Variants in SLC4A1 observed in about 807,000 individuals in gnomAD.
SLC4A1 encodes solute carrier family 4 member 1 (Diego blood group).
A neutral mutation model predicts 93.1 loss-of-function variants in SLC4A1; 29 were observed. The ratio of observed to expected loss-of-function variants is 0.31; its 90% CI spans 0.23 to 0.42. SLC4A1 has a LOEUF of 0.42. SLC4A1 is among the 20% of genes least tolerant of loss of function. SLC4A1 has a pLI of 1.00. For synonymous variants in SLC4A1, 469 were observed against 497.2 expected (o/e 0.94, Z 0.76); for missense variants, 965 against 1,190.1 (o/e 0.81, Z 2.78).
chr17:44,254,298 A>T (rs1192151014), intron 16 of SLC4A1, among the ~76,000 whole-genome samples, 198 bp downstream of exon 16: 1 of 151,592 alleles, frequency 6.6e-6, no homozygotes, highest in African/African-American at 2.4e-5. Context: ...TCTTAAAAAG[A>T]GCTCTCCAAA....
intron 1 of SLC4A1, 47 bp from the exon 2 acceptor site, chr17:44,262,981 T>A: frequency 1.3e-6 from 2 of 1,531,046 alleles, no homozygotes; most frequent in Non-Finnish European, 1.8e-6. Context: ...CATCCCAGGG[T>A]CTCCTGGTCC....
chr17:44,266,840 G>A (rs753349961), intron 1 of SLC4A1, among the ~76,000 whole-genome samples: 5 of 152,138 alleles, frequency 3.3e-5, no homozygotes, highest in South Asian at 2.1e-4. Flanking sequence ...GAGCCTAGAA[G>A]GTATAGCACA....
At chr17:44,266,115 G>A (rs546106008) in intron 1 of SLC4A1, among the ~76,000 whole-genome samples, 1 of 152,276 alleles carries the variant, frequency 6.6e-6, no homozygotes, top group African/African-American at 2.4e-5. Context: ...CCCCTGCCTT[G>A]GCAGGTGGGG....
chr17:44,254,485 C>T lies in SLC4A1; in HGVS notation c.2057+11G>A. On this transcript the variant is annotated intron_variant, in intron 16 of 19. Transcript: ENST00000262418. ...CACCCTCCCAGGCCCAGCCCCCACC[C>T]TGTCTCTCACGTGGTGATCTGAGAC... 1.2e-6 allele frequency: 2 copies of T among 1,607,794 alleles called. No individual in the cohort carries two copies. The highest frequency in any genetic ancestry group is 1.7e-6 in the Non-Finnish European group (2 of 1,174,968).
At position 44,261,597 on chromosome 17, in the gene SLC4A1, G is replaced by A; in HGVS notation, c.146C>T (p.Thr49Ile). Residue 49 changes from threonine (T) to isoleucine (I), a missense_variant, in exon 4 of 20, where the codon ACA (threonine) becomes ATA (isoleucine). Around this residue, in one of 2 missense-constraint regions of SLC4A1, gnomAD observed 195 missense variants for 183.5 expected, o/e 1.06. Coordinates refer to ENST00000262418, the MANE Select transcript of SLC4A1 (RefSeq NM_000342.4). ...TEATATDYHT[T>I]SHPGTHKVYV... is the part of the protein sequence containing the mutation. ...CACCTTGTGGGTACCCGGGTGTGAT[G>A]TGGTGTGGTAGTCTGTGGCTGTTGC... 6.2e-7 allele frequency: 1 copy of A among 1,614,194 alleles called. No homozygotes were observed. Among genetic ancestry groups the A allele is most frequent in the Non-Finnish European group, 8.5e-7 (1 of 1,180,006 alleles).
Position 44,258,608 on chromosome 17 carries a change from C to T in SLC4A1, c.892G>A (p.Ala298Thr). 2 of 1,602,756 alleles carry T rather than the reference C, an allele frequency of 1.2e-6. No homozygotes were observed. Among genetic ancestry groups the T allele is most frequent in the Middle Eastern group, 3.9e-4 (2 of 5,170 alleles). Residue 298 changes from alanine to threonine, a missense_variant, in exon 10 of 20, where the codon GCC (alanine) becomes ACC (threonine). Ala to Thr is a moderately conservative substitution (Grantham distance 58). This residue lies in a region of SLC4A1 where 770 missense variants were observed against 1,006.6 expected (regional missense o/e 0.76). Transcript: ENST00000262418. The surrounding 1 kb of genome is among the most constrained non-coding windows in gnomAD (Gnocchi z 6.1). ...TCCCCTCGGCTCTGAGCCATGTAGG[C>T]ATCTATGCGGAACACCTAGGGGCAG... The part of the protein sequence containing the change: ...LMSERVFRID[A>T]YMAQSRGELL...
chr17:44,258,631 C>T lies in SLC4A1; in HGVS notation c.877-8G>A, dbSNP rs1215595192. ...GGCATCTATGCGGAACACCTAGGGG[C>T]AGGAGACAGGGTCAGAGCTGCCCGG... On this transcript the variant is annotated splice_region_variant and splice_polypyrimidine_tract_variant and intron_variant, in intron 9 of 19. Transcript: ENST00000262418. This position sits in a 1 kb window ranked among gnomAD's most constrained non-coding sequence, Gnocchi z 6.1. The T allele has an allele frequency of 2.5e-6, 4 of 1,578,958 alleles. No individual in the cohort carries two copies. The highest frequency in any genetic ancestry group is 2.4e-5 in the East Asian group (1 of 42,426).
chr17:44,259,092 T>C, intron 9 of SLC4A1, 71 bp downstream of exon 9: 1 of 1,499,908 alleles, frequency 6.7e-7, no homozygotes, highest in Non-Finnish European at 9.2e-7. Context: ...CAGGCCAGGT[T>C]GGAGAGCAGG....
At chr17:44,261,330 G>A (rs1373157777) in intron 4 of SLC4A1, among the ~76,000 whole-genome samples, 1 of 152,190 alleles carries the variant, frequency 6.6e-6, no homozygotes. Flanking sequence ...CAGGGCCTGA[G>A]GGCCTGGGGA....
At chr17:44,260,988 C>T (rs2047439439) in intron 4 of SLC4A1, among the ~76,000 whole-genome samples, 173 bp from the exon 5 acceptor site, 1 of 152,134 alleles carries the variant, frequency 6.6e-6, no homozygotes, top group South Asian at 2.1e-4. Flanking sequence ...CAGGCCTTTA[C>T]CCCATTGCAG....
chr17:44,265,818 T>C (rs2047491197), intron 1 of SLC4A1, among the ~76,000 whole-genome samples: 1 of 151,844 alleles, frequency 6.6e-6, no homozygotes, highest in Admixed American at 6.6e-5. Flanking sequence ...CCATCTCTAC[T>C]GAAAATACAA....
chr17:44,262,290 A>G (rs1327441103), intron 3 of SLC4A1, among the ~76,000 whole-genome samples: 1 of 152,110 alleles, frequency 6.6e-6, no homozygotes, highest in Non-Finnish European at 1.5e-5. Context: ...CAAGCCCCTC[A>G]TTTCTCAGGA....
chr17:44,256,624 C>G (rs375869155), intron 13 of SLC4A1, among the ~76,000 whole-genome samples: 1 of 152,228 alleles, frequency 6.6e-6, no homozygotes, highest in Non-Finnish European at 1.5e-5. Context: ...TGGGGGACTT[C>G]AGAGGCTCCA....
chr17:44,251,087 C>T, intron 19 of SLC4A1, 72 bp downstream of exon 19: 20 of 1,497,656 alleles, frequency 1.3e-5, no homozygotes, highest in Non-Finnish European at 1.8e-5. Flanking sequence ...CTCTGTCCTG[C>T]CTGCCCTAGT....
Position 44,259,353 on chromosome 17 carries a change from G to T in SLC4A1, c.695-9C>A. ...CAGGAAGTCGGCGCGGCCTGTTAGG[G>T]GATGAGAAGATCAGGCCAGGCCGAG... On this transcript the variant is annotated splice_polypyrimidine_tract_variant and intron_variant, in intron 8 of 19. Coordinates refer to ENST00000262418, the MANE Select transcript of SLC4A1 (RefSeq NM_000342.4). The T allele has an allele frequency of 6.2e-7, 1 of 1,613,304 alleles. No individual in the cohort carries two copies. The highest frequency in any genetic ancestry group is 1.1e-5 in the South Asian group (1 of 90,964).
chr17:44,259,869 A>G lies in SLC4A1; in HGVS notation c.549T>C (p.Asp183=). ...GTTGGGGGAGCAGAGGCTGTGAAGGATCCCCAGAGCGTGTCAGGACTGCAG... is the reference window on the plus strand; with the variant it reads ...GTTGGGGGAGCAGAGGCTGTGAAGGGTCCCCAGAGCGTGTCAGGACTGCAG... The part of the protein sequence containing the change: ...VKPAVLTRSG[D]PSQPLLPQHS... Residue 183 remains aspartate, a synonymous_variant, in exon 7 of 20, where the codon GAT becomes GAC. Coordinates refer to ENST00000262418, the MANE Select transcript of SLC4A1 (RefSeq NM_000342.4). 1 of 1,613,998 alleles carries G rather than the reference A, an allele frequency of 6.2e-7. No individual in the cohort carries two copies. Among genetic ancestry groups the G allele is most frequent in the Non-Finnish European group, 8.5e-7 (1 of 1,179,974 alleles).
At chr17:44,264,429 GCC>G (rs2047478198) in intron 1 of SLC4A1, among the ~76,000 whole-genome samples, 1 of 152,190 alleles carries the variant, frequency 6.6e-6, no homozygotes, top group African/African-American at 2.4e-5. Flanking sequence ...CTGCACTCCA[GCC>G]TGGGTGACAG....
chr17:44,254,438 C>G (rs1023647676), intron 16 of SLC4A1, 58 bp downstream of exon 16: 31 of 1,539,784 alleles, frequency 2.0e-5, no homozygotes, highest in South Asian at 1.1e-5. Context: ...TGGGAGAATG[C>G]CAGGGAAAGG....
At chr17:44,260,007 C>A in intron 6 of SLC4A1, 75 bp from the exon 7 acceptor site, 1 of 1,585,758 alleles carries the variant, frequency 6.3e-7, no homozygotes. Flanking sequence ...GGATCAAGGG[C>A]GAACATCAAG....
Sources: gnomAD v4.1 joint callset for allele counts (sites outside exome capture counted in the v4.1 genomes callset) on GRCh38, gnomAD v4.1.1 for gene constraint, gnomAD v4.1.1 regional missense constraint, Gnocchi (gnomAD v3.1) non-coding constraint, MANE v1.5 for transcripts, NCBI Gene and HGNC (gene_info 2026-07-23, HGNC 2026-07-21) for gene names.